Variants in PPARG observed in about 807,000 individuals in gnomAD.
PPARG encodes the protein peroxisome proliferator-activated receptor gamma.
PPARG carries 17 observed loss-of-function variants against 39.2 expected under a neutral mutation model. The observed-to-expected ratio is 0.43, with a 90% confidence interval of 0.30 to 0.65. The LOEUF is 0.65. PPARG is among the 30% of genes least tolerant of loss of function. The pLI, the probability that PPARG is intolerant of heterozygous loss-of-function variation, is 0.13. For synonymous variants in PPARG, 223 were observed against 215.7 expected, an observed-to-expected ratio of 1.03 and a Z score of -0.30; for missense variants, 406 against 585.9, an observed-to-expected ratio of 0.69 and a Z score of 3.17.
chr3:12,416,337 C>T (rs2051054394), intron 6 of PPARG, among the ~76,000 whole-genome samples: 1 of 152,158 alleles, frequency 6.6e-6, no homozygotes, highest in Non-Finnish European at 1.5e-5. Flanking sequence ...CCTGATTGTG[C>T]CACTGTAATT....
At chr3:12,309,713 T>C (rs556488622) in intron 1 of PPARG, among the ~76,000 whole-genome samples, 2 of 152,344 alleles carry the variant, frequency 1.3e-5, no homozygotes, top group South Asian at 4.1e-4. Flanking sequence ...TATTTTTCTG[T>C]ATCTTAAGTC....
chr3:12,399,531 G>A (rs2050388907), intron 5 of PPARG: 1 of 373,272 alleles, frequency 2.7e-6, no homozygotes, highest in Non-Finnish European at 5.2e-6. Context: ...AGGCTGCAGT[G>A]AGCCAAGATC....
At chr3:12,381,929 T>A (rs1359083732) in intron 4 of PPARG, among the ~76,000 whole-genome samples, 1 of 152,188 alleles carries the variant, frequency 6.6e-6, no homozygotes, top group African/African-American at 2.4e-5. Flanking sequence ...TATTTATTTA[T>A]TTATTTATTT....
At chr3:12,331,120 T>C (rs1396482803) in intron 2 of PPARG, among the ~76,000 whole-genome samples, 3 of 152,172 alleles carry the variant, frequency 2.0e-5, no homozygotes, top group South Asian at 2.1e-4. Flanking sequence ...TTGTTACTAG[T>C]GTGGAGATCT....
In PPARG at chr3:12,330,295, CTT is replaced by C. The variant is rs1291245549; in HGVS notation, c.-9+17848_-9+17849del. Among the ~76,000 whole-genome samples, 525 of 121,928 alleles carry C rather than the reference CTT, an allele frequency of 4.3e-3. 1 individual carries two copies. Among genetic ancestry groups the C allele is most frequent in the African/African-American group, 0.014 (448 of 32,020 alleles). The allele number at this position is 121,928 out of a possible 152,430, so 80.0% of individuals were successfully genotyped here. A position where few individuals can be genotyped will look rare whatever the true frequency, so the allele number is the denominator to read the frequency against. On this transcript the variant is annotated intron_variant, in intron 2 of 7. Transcript: ENST00000651735. ...TAATATCTCTACATTGCTACAACAC[CTT>C]TTTTTAAAAAAAAAAAAAAAAAAAA...
chr3:12,337,982 G>C (rs1211850316), intron 2 of PPARG, among the ~76,000 whole-genome samples: 1 of 152,082 alleles, frequency 6.6e-6, no homozygotes, highest in Non-Finnish European at 1.5e-5. Flanking sequence ...CAACGTCCTG[G>C]AACCAATCCT....
chr3:12,393,840 C>T (rs958593750), intron 5 of PPARG, among the ~76,000 whole-genome samples: 3 of 152,096 alleles, frequency 2.0e-5, no homozygotes, highest in African/African-American at 7.2e-5. Flanking sequence ...TTGAGAGTCA[C>T]TCATTGATTA....
chr3:12,417,576 C>A (rs2051105712), intron 7 of PPARG, among the ~76,000 whole-genome samples: 1 of 152,104 alleles, frequency 6.6e-6, no homozygotes, highest in Non-Finnish European at 1.5e-5. Flanking sequence ...TATTTCTGGT[C>A]AAATCATGCT....
At chr3:12,288,663 T>C (rs1309054715), upstream of PPARG, among the ~76,000 whole-genome samples, 2 of 151,990 alleles carry the variant, frequency 1.3e-5, no homozygotes, top group Non-Finnish European at 2.9e-5. Context: ...GGGGGACCGT[T>C]CAGCGAGGGG....
chr3:12,357,794 C>G (rs578133230), intron 2 of PPARG, among the ~76,000 whole-genome samples: 1 of 152,042 alleles, frequency 6.6e-6, no homozygotes, highest in Non-Finnish European at 1.5e-5. Flanking sequence ...ACAATTTAGC[C>G]CTGAGTTCAA....
intron 2 of PPARG, chr3:12,372,037 T>A: frequency 1.4e-6 from 1 of 718,008 alleles, no homozygotes; most frequent in Admixed American, 2.0e-5. Context: ...GAGAAGGGAT[T>A]GAAAAATCGG....
chr3:12,308,343 C>CAAAA (rs57225468), intron 1 of PPARG, among the ~76,000 whole-genome samples: 2 of 37,284 alleles, frequency 5.4e-5, no homozygotes, highest in East Asian at 1.2e-3. Context: ...GACCCTGTCT[C>CAAAA]AAAAAAAAAA....
At chr3:12,354,111 A>T (rs1358840889) in intron 2 of PPARG, among the ~76,000 whole-genome samples, 1 of 152,184 alleles carries the variant, frequency 6.6e-6, no homozygotes, top group African/African-American at 2.4e-5. Flanking sequence ...TTATTGAGGG[A>T]TACTTAATCT....
intron 2 of PPARG, among the ~76,000 whole-genome samples, chr3:12,340,208 A>C (rs1315707464): frequency 4.6e-5 from 7 of 152,170 alleles, no homozygotes; most frequent in Non-Finnish European, 5.9e-5. Context: ...TGCTCTTTGG[A>C]TCCCTGTACA....
At chr3:12,379,213 C>T (rs1432959493) in intron 2 of PPARG, among the ~76,000 whole-genome samples, 1 of 152,076 alleles carries the variant, frequency 6.6e-6, no homozygotes. Flanking sequence ...CCATGTTGGC[C>T]AGGCTGGTCT....
intron 7 of PPARG, among the ~76,000 whole-genome samples, chr3:12,426,571 A>C (rs2051456003): frequency 6.6e-6 from 1 of 152,166 alleles, no homozygotes; most frequent in Non-Finnish European, 1.5e-5. Context: ...AAGGGAAAAG[A>C]AAAAGGCTGA....
At chr3:12,303,788 C>T (rs1471272255) in intron 1 of PPARG, among the ~76,000 whole-genome samples, 1 of 152,212 alleles carries the variant, frequency 6.6e-6, no homozygotes, top group Non-Finnish European at 1.5e-5. Flanking sequence ...AATCATCTCT[C>T]AAGAAGTCTT....
chr3:12,297,259 AAGT>A (rs2046810495), intron 1 of PPARG, among the ~76,000 whole-genome samples: 1 of 152,222 alleles, frequency 6.6e-6, no homozygotes, highest in Non-Finnish European at 1.5e-5. Flanking sequence ...AATATTTAAA[AAGT>A]AGGATAAAAA....
chr3:12,381,534 T>C (rs1172287274), intron 4 of PPARG, 43 bp downstream of exon 4: 2 of 1,591,456 alleles, frequency 1.3e-6, no homozygotes, highest in South Asian at 1.1e-5. Context: ...TGAAACTTTA[T>C]TATTTCATTT....
Sources: gnomAD v4.1 joint callset for allele counts (sites outside exome capture counted in the v4.1 genomes callset) on GRCh38, gnomAD v4.1.1 for gene constraint, MANE v1.5 for transcripts, NCBI Gene and HGNC (gene_info 2026-07-23, HGNC 2026-07-21) for gene names.